The following CNTN4 variants were observed in gnomAD, a reference collection of about 807,000 sequenced individuals.
CNTN4 encodes the protein contactin-4.
In CNTN4, 77 loss-of-function variants were observed where a neutral mutation model predicts 122.5. That is an observed-to-expected ratio of 0.63 (90% CI 0.52 to 0.76). The LOEUF (loss-of-function observed/expected upper bound fraction) is 0.76. Ranked by LOEUF, CNTN4 falls within the 30% of genes least tolerant of loss-of-function variation. The pLI is 0.00. For missense variants in CNTN4, 1,256 were observed against 1,259.1 expected (o/e 1.00, Z 0.04); for synonymous variants, 512 against 447.0 (o/e 1.15, Z -1.83).
intron 3 of CNTN4, among the ~76,000 whole-genome samples, chr3:2,533,175 G>A (rs2077663889): frequency 6.7e-6 from 1 of 149,678 alleles, no homozygotes. Flanking sequence ...GGGTACATGT[G>A]CACAACAGGC....
chr3:2,571,210 C>T, intron 3 of CNTN4: 1 of 469,656 alleles, frequency 2.1e-6, no homozygotes, highest in Non-Finnish European at 3.9e-6. Flanking sequence ...GACACTTCAG[C>T]TCCAATCCCT....
At chr3:2,629,627 G>A (rs937236406) in intron 4 of CNTN4, 2 of 428,798 alleles carry the variant, frequency 4.7e-6, no homozygotes, top group Non-Finnish European at 9.2e-6. Context: ...TACAGCACCA[G>A]CTTTCTTAGT....
chr3:2,539,889 C>T (rs780275034), intron 3 of CNTN4, among the ~76,000 whole-genome samples: 13 of 151,894 alleles, frequency 8.6e-5, no homozygotes, highest in African/African-American at 2.9e-4. Flanking sequence ...TATAAAATGC[C>T]GGTGATTACT....
At chr3:2,332,089 G>C (rs1433780625) in intron 2 of CNTN4, among the ~76,000 whole-genome samples, 1 of 152,130 alleles carries the variant, frequency 6.6e-6, no homozygotes, top group Non-Finnish European at 1.5e-5. Context: ...TAGGGGTTCA[G>C]CGTGACAGGC....
intron 13 of CNTN4, among the ~76,000 whole-genome samples, chr3:2,984,167 G>A (rs148495925): frequency 3.7e-4 from 57 of 152,298 alleles, no homozygotes; most frequent in African/African-American, 1.0e-3. Context: ...CTTCTACTAC[G>A]ACTGTGAAAA....
chr3:2,561,955 A>G (rs1044643705), intron 3 of CNTN4, among the ~76,000 whole-genome samples: 25 of 152,178 alleles, frequency 1.6e-4, no homozygotes, highest in African/African-American at 5.5e-4. Context: ...TAGGAGTGGG[A>G]CAGAGGAGTG....
intron 4 of CNTN4, among the ~76,000 whole-genome samples, chr3:2,625,489 C>T (rs774038699): frequency 6.6e-6 from 1 of 152,170 alleles, no homozygotes; most frequent in Non-Finnish European, 1.5e-5. Flanking sequence ...TCTCTTCCCT[C>T]CCAAGTGTAA....
intron 14 of CNTN4, among the ~76,000 whole-genome samples, chr3:3,019,816 A>ATG (rs1698131833): frequency 6.8e-6 from 1 of 147,612 alleles, no homozygotes; most frequent in African/African-American, 2.5e-5. Context: ...ATATATATAT[A>ATG]CATATATATA....
intron 2 of CNTN4, among the ~76,000 whole-genome samples, chr3:2,333,022 G>A (rs2043800181): frequency 6.6e-6 from 1 of 152,122 alleles, no homozygotes; most frequent in Non-Finnish European, 1.5e-5. Flanking sequence ...TGTTCACCCT[G>A]GGATGTCCTA....
intron 13 of CNTN4, among the ~76,000 whole-genome samples, chr3:2,944,003 A>G (rs1048370888): frequency 1.3e-5 from 2 of 152,188 alleles, no homozygotes; most frequent in African/African-American, 2.4e-5. Context: ...ATGTGATTAT[A>G]TAATAATGGA....
chr3:2,545,930 A>C (rs533034135), intron 3 of CNTN4, among the ~76,000 whole-genome samples: 1 of 152,184 alleles, frequency 6.6e-6, no homozygotes, highest in South Asian at 2.1e-4. Flanking sequence ...CAACATCACT[A>C]ATCATTAGAT....
At chr3:2,850,667 G>C (rs1184154665) in intron 7 of CNTN4, among the ~76,000 whole-genome samples, 2 of 152,116 alleles carry the variant, frequency 1.3e-5, no homozygotes, top group African/African-American at 4.8e-5. Flanking sequence ...CCTTACATTG[G>C]AGAAAACAGA....
At chr3:2,407,152 T>C (rs989942226) in intron 3 of CNTN4, among the ~76,000 whole-genome samples, 1 of 152,180 alleles carries the variant, frequency 6.6e-6, no homozygotes. Context: ...ATTTAGCTCG[T>C]GTTATTTTGA....
chr3:2,289,637 T>A (rs1020358233), intron 2 of CNTN4, among the ~76,000 whole-genome samples: 7 of 152,016 alleles, frequency 4.6e-5, no homozygotes, highest in Non-Finnish European at 1.0e-4. Flanking sequence ...AACTTGGGAT[T>A]TTTTTTTACT....
In CNTN4 at chr3:2,651,578, C is replaced by T. The variant is rs79658586; in HGVS notation, c.55+80020C>T. The stretch of plus-strand genomic sequence containing the variant: ...TATCAAAATTACCAAGGGCCAGGCA[C>T]GGTGGCTCATACCTGTACTCCCAGC... On this transcript the variant is annotated intron_variant, in intron 4 of 24. Coordinates refer to ENST00000418658, the MANE Select transcript of CNTN4 (RefSeq NM_175607.3). 1.1e-4 allele frequency among the ~76,000 whole-genome samples: 16 copies of T among 152,232 alleles called. 2 individuals are homozygous for T. Among genetic ancestry groups the T allele is most frequent in the Middle Eastern group, 6.8e-3 (2 of 294 alleles).
At chr3:2,211,660 T>A (rs958561902) in intron 2 of CNTN4, among the ~76,000 whole-genome samples, 1 of 152,222 alleles carries the variant, frequency 6.6e-6, no homozygotes, top group East Asian at 1.9e-4. Flanking sequence ...ATTCCTCACA[T>A]TGAATTTAAA....
chr3:2,401,471 T>G (rs1336692799), intron 3 of CNTN4, among the ~76,000 whole-genome samples: 1 of 152,158 alleles, frequency 6.6e-6, no homozygotes, highest in Non-Finnish European at 1.5e-5. Context: ...GTTAAGATAA[T>G]AAAATAGAGT....
At chr3:2,597,873 C>T (rs2080846047) in intron 4 of CNTN4, among the ~76,000 whole-genome samples, 1 of 152,130 alleles carries the variant, frequency 6.6e-6, no homozygotes, top group Admixed American at 6.6e-5. Flanking sequence ...TAAAAGTAAA[C>T]ACATTTGAAC....
intron 3 of CNTN4, among the ~76,000 whole-genome samples, chr3:2,375,184 A>G (rs2045771423): frequency 6.6e-6 from 1 of 152,228 alleles, no homozygotes; most frequent in African/African-American, 2.4e-5. Context: ...TGTCTTTGCC[A>G]TAAAATAGAA....
Sources: allele counts gnomAD v4.1 joint callset (sites outside exome capture counted in the v4.1 genomes callset), GRCh38; gene constraint gnomAD v4.1.1; transcripts MANE v1.5; gene names NCBI Gene and HGNC (gene_info 2026-07-23, HGNC 2026-07-21).